Variants in ARHGAP32 observed in about 807,000 individuals in gnomAD.
ARHGAP32 encodes the protein Rho GTPase activating protein 32, also known as rho GTPase-activating protein 32.
In ARHGAP32, 51 loss-of-function variants were observed where a neutral mutation model predicts 186.5. The observed-to-expected ratio is 0.27, with a 90% CI of 0.22 to 0.35. ARHGAP32 has a LOEUF of 0.35. Among genes scored for constraint, ARHGAP32 ranks in the 10% least tolerant of loss-of-function variants. The pLI, the probability that ARHGAP32 is intolerant of heterozygous loss-of-function variation, is 1.00. For missense variants in ARHGAP32, 2,186 were observed against 2,623.5 expected, an observed-to-expected ratio of 0.83 and a Z score of 3.64; for synonymous variants, 950 against 964.3, an observed-to-expected ratio of 0.99 and a Z score of 0.27.
At chr11:129,023,138 T>G (rs1938674879) in intron 11 of ARHGAP32, among the ~76,000 whole-genome samples, 1 of 152,210 alleles carries the variant, frequency 6.6e-6, no homozygotes. Context: ...GATTTGTGAT[T>G]CAGAGAAAAT....
chr11:129,047,583 T>G (rs890363967), intron 10 of ARHGAP32, among the ~76,000 whole-genome samples: 2 of 151,870 alleles, frequency 1.3e-5, no homozygotes, highest in Non-Finnish European at 2.9e-5. Context: ...CTAAATCAAT[T>G]CACTACCATA....
chr11:129,173,077 T>G (rs1943806557), intron 1 of ARHGAP32, among the ~76,000 whole-genome samples: 1 of 148,764 alleles, frequency 6.7e-6, no homozygotes, highest in Non-Finnish European at 1.5e-5. Context: ...CTAGCTAGAC[T>G]AACAAAGAAG....
At chr11:129,049,649 T>C (rs1939956610) in intron 10 of ARHGAP32, among the ~76,000 whole-genome samples, 2 of 152,224 alleles carry the variant, frequency 1.3e-5, no homozygotes, top group Admixed American at 6.5e-5. Flanking sequence ...TACTCTTTTT[T>C]GTCTGCCTTC....
intron 11 of ARHGAP32, chr11:129,024,073 G>A: frequency 1.0e-6 from 1 of 985,474 alleles, no homozygotes; most frequent in Non-Finnish European, 1.2e-6. Flanking sequence ...AGGACCCCCT[G>A]CAGCAGCAGT....
intron 10 of ARHGAP32, among the ~76,000 whole-genome samples, chr11:129,057,568 G>C (rs1238679526): frequency 6.6e-6 from 1 of 151,922 alleles, no homozygotes; most frequent in African/African-American, 2.4e-5. Context: ...AACATAGCTG[G>C]GGGATTGGTT....
At chr11:129,111,142 T>C (rs1242830546) in intron 5 of ARHGAP32, among the ~76,000 whole-genome samples, 1 of 152,202 alleles carries the variant, frequency 6.6e-6, no homozygotes, top group African/African-American at 2.4e-5. Flanking sequence ...TGAAGGATTG[T>C]TGAATCTCTC....
intron 1 of ARHGAP32, among the ~76,000 whole-genome samples, chr11:129,174,298 C>T (rs928136510): frequency 2.6e-5 from 4 of 152,174 alleles, no homozygotes; most frequent in East Asian, 1.9e-4. Flanking sequence ...CCTACGCCCA[C>T]GGAGTCTCGC....
intron 5 of ARHGAP32, among the ~76,000 whole-genome samples, chr11:129,093,982 G>A (rs1730867373): frequency 6.6e-6 from 1 of 152,108 alleles, no homozygotes; most frequent in African/African-American, 2.4e-5. Context: ...CTGAGAGATA[G>A]TATGACATAA....
chr11:129,186,776 T>G (rs1044487001), intron 1 of ARHGAP32, among the ~76,000 whole-genome samples: 1 of 152,164 alleles, frequency 6.6e-6, no homozygotes, highest in African/African-American at 2.4e-5. Flanking sequence ...TCAACATCAC[T>G]GATCATCAGA....
intron 11 of ARHGAP32, among the ~76,000 whole-genome samples, chr11:129,000,757 C>T (rs1946337136): frequency 6.6e-6 from 1 of 151,958 alleles, no homozygotes; most frequent in South Asian, 2.1e-4. Context: ...TCCCTATTCC[C>T]CACCCCCCCA....
At chr11:129,159,418 T>C (rs1373929524) in intron 2 of ARHGAP32, among the ~76,000 whole-genome samples, 1 of 152,036 alleles carries the variant, frequency 6.6e-6, no homozygotes, top group Non-Finnish European at 1.5e-5. Flanking sequence ...GAGAATACTG[T>C]AAACACCTCT....
At chr11:129,072,559 A>G (rs1205795735) in intron 6 of ARHGAP32, among the ~76,000 whole-genome samples, 3 of 152,174 alleles carry the variant, frequency 2.0e-5, no homozygotes, top group Non-Finnish European at 4.4e-5. Flanking sequence ...CCCCCTCCCA[A>G]ATTAGAGGCA....
intron 10 of ARHGAP32, among the ~76,000 whole-genome samples, chr11:129,051,953 C>CAAA (rs36014500): frequency 4.2e-5 from 3 of 71,138 alleles, no homozygotes; most frequent in African/African-American, 1.7e-4. Context: ...GATTCTGTCT[C>CAAA]AAAAAAAAAA....
intron 5 of ARHGAP32, among the ~76,000 whole-genome samples, chr11:129,104,121 C>T (rs1477380256): frequency 6.6e-6 from 1 of 152,008 alleles, no homozygotes; most frequent in Non-Finnish European, 1.5e-5. Flanking sequence ...AAAGCATTTT[C>T]TGATGAACAA....
chr11:129,058,393 T>G (rs2135119825), intron 10 of ARHGAP32, among the ~76,000 whole-genome samples: 1 of 152,268 alleles, frequency 6.6e-6, no homozygotes, highest in East Asian at 1.9e-4. Flanking sequence ...ATTTTATAAC[T>G]CTAGATATTA....
intron 11 of ARHGAP32, among the ~76,000 whole-genome samples, chr11:129,008,327 A>G (rs572839976): frequency 6.6e-6 from 1 of 152,250 alleles, no homozygotes; most frequent in Admixed American, 6.5e-5. Context: ...ATTATACAGT[A>G]GTGAGTGAAT....
chr11:129,128,709 G>A (rs941826860), intron 2 of ARHGAP32, among the ~76,000 whole-genome samples: 2 of 151,864 alleles, frequency 1.3e-5, no homozygotes, highest in African/African-American at 4.8e-5. Flanking sequence ...TCAGCCTGCA[G>A]AGTGCCTGGG....
chr11:128,971,236 C>T, intron 22 of ARHGAP32, 77 bp from the exon 23 acceptor site: 1 of 1,294,376 alleles, frequency 7.7e-7, no homozygotes. Flanking sequence ...TTGTAACTCA[C>T]AAATTAAGGC....
At chr11:129,035,173 C>CCTCTCT (rs71057921) in intron 11 of ARHGAP32, among the ~76,000 whole-genome samples, 55 of 148,544 alleles carry the variant, frequency 3.7e-4, no homozygotes, top group African/African-American at 3.9e-4. Flanking sequence ...TGTTTCCTCT[C>CCTCTCT]CTCTCTCTCT....
Sources: gnomAD v4.1 joint callset for allele counts (sites outside exome capture counted in the v4.1 genomes callset) on GRCh38, gnomAD v4.1.1 for gene constraint, MANE v1.5 for transcripts, NCBI Gene and HGNC (gene_info 2026-07-23, HGNC 2026-07-21) for gene names.